SLMAP: variants seen among roughly 807,000 people sequenced by gnomAD.
SLMAP encodes sarcolemmal membrane-associated protein.
In SLMAP, 44 loss-of-function variants were observed where a neutral mutation model predicts 128.8. That is an observed-to-expected ratio of 0.34 (90% CI 0.27 to 0.44). SLMAP has a LOEUF of 0.44. SLMAP is among the 20% of genes least tolerant of loss of function. SLMAP has a pLI of 1.00. For missense variants in SLMAP, 787 were observed against 985.3 expected (o/e 0.80, Z 2.69); for synonymous variants, 327 against 348.8 (o/e 0.94, Z 0.70).
rs968535734 is a variant in SLMAP, at chr3:57,769,645, G to A, written c.198+11796G>A. On this transcript the variant is annotated intron_variant, in intron 2 of 24. Transcript: ENST00000671191. The stretch of plus-strand genomic sequence containing the variant: ...GGCCCAAAAAGGAATGTTAGATGAA[G>A]TAATAGCTTAGTGAAAGCAGCTTGG... Among the ~76,000 whole-genome samples the A allele has an allele frequency of 8.5e-5, 13 of 152,272 alleles. No individual in the cohort carries two copies. The East Asian group carries it at 2.5e-3, about 29-fold the overall frequency.
intron 2 of SLMAP, among the ~76,000 whole-genome samples, chr3:57,768,172 G>T (rs1046889569): frequency 6.6e-6 from 1 of 152,138 alleles, no homozygotes; most frequent in African/African-American, 2.4e-5. Context: ...GCTTATATAG[G>T]CACTTGAAAA....
intron 2 of SLMAP, among the ~76,000 whole-genome samples, chr3:57,798,569 C>T (rs1184769345): frequency 6.6e-6 from 1 of 152,108 alleles, no homozygotes; most frequent in Non-Finnish European, 1.5e-5. Flanking sequence ...TATTATAGCT[C>T]AGTTGACTAG....
intron 13 of SLMAP, among the ~76,000 whole-genome samples, chr3:57,868,957 A>ATATATAT (rs1491095991): frequency 2.2e-5 from 3 of 134,874 alleles, no homozygotes; most frequent in Non-Finnish European, 4.7e-5. Context: ...ATTATATATA[A>ATATATAT]TATATGTGTG....
At chr3:57,909,027 T>A (rs1559524948) in intron 18 of SLMAP, 49 bp from the exon 19 acceptor site, 1 of 1,330,066 alleles carries the variant, frequency 7.5e-7, no homozygotes, top group Non-Finnish European at 1.1e-6. Context: ...CTCTGAGTAC[T>A]TTCATTAATT....
At chr3:57,883,001 ACTT>A (rs779789749) in intron 14 of SLMAP, among the ~76,000 whole-genome samples, 1 of 152,018 alleles carries the variant, frequency 6.6e-6, no homozygotes, top group Non-Finnish European at 1.5e-5. Flanking sequence ...AAAAAAAAAA[ACTT>A]CTCTACTTTC....
intron 2 of SLMAP, among the ~76,000 whole-genome samples, chr3:57,788,437 G>A (rs773473760): frequency 1.6e-4 from 24 of 152,146 alleles, no homozygotes; most frequent in Non-Finnish European, 2.4e-4. Context: ...GTAAATTCTT[G>A]GTGTGTAGCC....
Position 57,784,556 on chromosome 3 carries a change from A to G in SLMAP, c.198+26707A>G, listed in dbSNP as rs73073958. On this transcript the variant is annotated intron_variant, in intron 2 of 24. Transcript: ENST00000671191. ...TAACAGGCTCACACTTGGAGGGAAT[A>G]TACTTCAGGATGAATCATGCCTTGA... 6.8e-3 allele frequency among the ~76,000 whole-genome samples: 1,032 copies of G among 152,308 alleles called. 7 individuals carry two copies. The highest frequency in any genetic ancestry group is 0.02 in the Middle Eastern group (6 of 294).
chr3:57,855,711 T>TAAAAAAAA (rs562768502), intron 6 of SLMAP, among the ~76,000 whole-genome samples: 1 of 110,856 alleles, frequency 9.0e-6, no homozygotes, highest in Non-Finnish European at 1.8e-5. Context: ...CCCCATCTGT[T>TAAAAAAAA]AAAAAAAAAA....
chr3:57,850,149 C>G (rs751904497), intron 6 of SLMAP, among the ~76,000 whole-genome samples: 5 of 152,084 alleles, frequency 3.3e-5, no homozygotes, highest in Non-Finnish European at 7.4e-5. Flanking sequence ...GCACTCCATC[C>G]TAGGCAACAG....
intron 9 of SLMAP, 144 bp downstream of exon 9, chr3:57,860,983 G>T: frequency 1.5e-6 from 1 of 664,466 alleles, no homozygotes; most frequent in East Asian, 3.3e-5. Flanking sequence ...CAGTTACGCT[G>T]CTTTCATTGA....
chr3:57,801,200 A>G (rs2088248729), intron 2 of SLMAP: 1 of 153,392 alleles, frequency 6.5e-6, no homozygotes, highest in African/African-American at 2.4e-5. Context: ...ATTTTTGGTG[A>G]CAATATATAG....
At chr3:57,785,621 C>A (rs976076392) in intron 2 of SLMAP, among the ~76,000 whole-genome samples, 2 of 152,144 alleles carry the variant, frequency 1.3e-5, no homozygotes, top group Admixed American at 6.5e-5. Flanking sequence ...AAATACAGAT[C>A]TGTGAGGAAG....
intron 4 of SLMAP, among the ~76,000 whole-genome samples, chr3:57,845,644 T>G (rs1431865452): frequency 1.3e-5 from 2 of 152,132 alleles, no homozygotes; most frequent in East Asian, 3.9e-4. Flanking sequence ...TTGAGTCCCC[T>G]GTACTCACCC....
At chr3:57,857,864 A>T in intron 7 of SLMAP, 36 bp downstream of exon 7, 1 of 1,387,052 alleles carries the variant, frequency 7.2e-7, no homozygotes, top group Non-Finnish European at 1.0e-6. Flanking sequence ...AAACATTTAA[A>T]CATAGTTTAA....
chr3:57,826,647 G>A (rs1181401872), intron 2 of SLMAP, among the ~76,000 whole-genome samples: 1 of 152,134 alleles, frequency 6.6e-6, no homozygotes, highest in Non-Finnish European at 1.5e-5. Flanking sequence ...GCCCATTCCT[G>A]GAAGGTAGCT....
intron 2 of SLMAP, among the ~76,000 whole-genome samples, chr3:57,803,036 A>G (rs1168655882): frequency 6.6e-6 from 1 of 152,224 alleles, no homozygotes; most frequent in African/African-American, 2.4e-5. Flanking sequence ...GTTCTAAACT[A>G]TGCAGTATGA....
chr3:57,788,117 A>G (rs919861608), intron 2 of SLMAP, among the ~76,000 whole-genome samples: 35 of 152,240 alleles, frequency 2.3e-4, no homozygotes, highest in African/African-American at 8.0e-4. Flanking sequence ...ATCATGAGTG[A>G]TAGCATGAAG....
chr3:57,807,708 G>T (rs1446613252), intron 2 of SLMAP, among the ~76,000 whole-genome samples: 1 of 151,948 alleles, frequency 6.6e-6, no homozygotes, highest in Non-Finnish European at 1.5e-5. Context: ...TTTACTGAGG[G>T]TTTTCGCATC....
At chr3:57,760,911 G>A (rs998161259) in intron 2 of SLMAP, among the ~76,000 whole-genome samples, 7 of 152,008 alleles carry the variant, frequency 4.6e-5, no homozygotes, top group Non-Finnish European at 8.8e-5. Context: ...GTTTTTAGTA[G>A]AGACAGGGTT....
Sources: gnomAD v4.1 joint callset for allele counts (sites outside exome capture counted in the v4.1 genomes callset) on GRCh38, gnomAD v4.1.1 for gene constraint, MANE v1.5 for transcripts, NCBI Gene and HGNC (gene_info 2026-07-23, HGNC 2026-07-21) for gene names.